Variants in NDUFA12 observed in about 807,000 individuals in gnomAD.
The protein encoded by NDUFA12 is NADH:ubiquinone oxidoreductase subunit A12.
Under a neutral mutation model 20.3 loss-of-function variants are expected in NDUFA12, and 17 were observed. The observed-to-expected ratio is 0.84, with a 90% CI of 0.57 to 1.26. The LOEUF is 1.26. Among genes scored for constraint, NDUFA12 ranks in the 50% most tolerant of loss-of-function variants. The pLI is 0.00. For missense variants in NDUFA12, 191 were observed against 183.7 expected, an observed-to-expected ratio of 1.04 and a Z score of -0.23; for synonymous variants, 72 against 63.6, an observed-to-expected ratio of 1.13 and a Z score of -0.63.
At chr12:94,985,012 G>A (rs28768409) in intron 3 of NDUFA12, among the ~76,000 whole-genome samples, 66,734 of 146,508 alleles carry the variant, frequency 0.46, 16,050 homozygotes, top group African/African-American at 0.59. Context: ...CATAAAATAA[G>A]ATAAAATAAA....
At chr12:94,987,946 A>T (rs1208224682) in intron 3 of NDUFA12, among the ~76,000 whole-genome samples, 2 of 152,156 alleles carry the variant, frequency 1.3e-5, no homozygotes, top group African/African-American at 4.8e-5. Context: ...AAGGACAGGA[A>T]ATTGAGGTCA....
intron 3 of NDUFA12, among the ~76,000 whole-genome samples, chr12:94,992,414 T>C (rs1473951982): frequency 6.6e-6 from 1 of 152,230 alleles, no homozygotes; most frequent in Admixed American, 6.5e-5. Context: ...AAAGTTCTTT[T>C]CACCTTTCGC....
chr12:94,997,709 T>G (rs1874883709), intron 2 of NDUFA12, among the ~76,000 whole-genome samples: 1 of 152,124 alleles, frequency 6.6e-6, no homozygotes, highest in Admixed American at 6.6e-5. Context: ...AGATTAGAGA[T>G]GCTAAACTGG....
At chr12:94,975,998 C>T (rs745490154) in intron 3 of NDUFA12, among the ~76,000 whole-genome samples, 23 of 151,842 alleles carry the variant, frequency 1.5e-4, no homozygotes, top group South Asian at 2.1e-4. Flanking sequence ...AAGCCATGAT[C>T]GTGCCTGGAC....
chr12:94,993,980 C>T lies in NDUFA12; in HGVS notation c.257+190G>A, dbSNP rs10859819. On this transcript the variant is annotated intron_variant, in intron 3 of 3. Transcript: ENST00000327772. ...ATTTAAAAACAAAACAAAAATTATC[C>T]GGGTGAGATGGCATGGGCCTGTAGT... Among the ~76,000 whole-genome samples, 59,422 of 151,726 alleles carry T rather than the reference C, an allele frequency of 0.39. 12,218 individuals carry two copies. The highest frequency in any genetic ancestry group is 0.58 in the East Asian group (2,966 of 5,132).
chr12:95,003,682 T>C lies in NDUFA12; in HGVS notation c.-2A>G, dbSNP rs775936595. 13 of 1,614,040 alleles carry C rather than the reference T, an allele frequency of 8.1e-6. No individual in the cohort carries two copies. The South Asian group carries it at 1.4e-4, about 18-fold the overall frequency. On this transcript the variant is annotated 5_prime_UTR_variant, in exon 1 of 4. Transcript: ENST00000327772. ...TTTCAGGACCTGCACTAACTCCATCTTGCCTCGCTGGCCCCGCCTCCCGGG... is the reference window on the plus strand; with the variant it reads ...TTTCAGGACCTGCACTAACTCCATCCTGCCTCGCTGGCCCCGCCTCCCGGG...
At chr12:94,984,491 T>C (rs1041277128) in intron 3 of NDUFA12, among the ~76,000 whole-genome samples, 6 of 151,188 alleles carry the variant, frequency 4.0e-5, no homozygotes, top group Admixed American at 6.6e-5. Context: ...GATTGCGCCA[T>C]TGCACTCCAG....
Position 95,002,750 on chromosome 12 carries a change from T to C in NDUFA12, c.158A>G (p.Lys53Arg). The C allele has an allele frequency of 6.2e-7, 1 of 1,613,762 alleles. No individual in the cohort carries two copies. Among genetic ancestry groups the C allele is most frequent in the South Asian group, 1.1e-5 (1 of 91,070 alleles). The stretch of plus-strand genomic sequence containing the variant: ...AATACTGCACTCACCAAAAAATTGC[T>C]TGTTGTCTTCATAGTATTTGTTTCC... The part of the protein sequence containing the change: ...KYGNKYYEDN[K>R]QFFGRHRWVV... Residue 53 changes from lysine to arginine, a missense_variant, in exon 2 of 4, where the codon AAG (lysine) becomes AGG (arginine). By Grantham distance (26) the Lys-to-Arg change is conservative. Transcript: ENST00000327772.
intron 2 of NDUFA12, 153 bp from the exon 3 acceptor site, chr12:94,994,410 T>C (rs924519336): frequency 8.1e-6 from 5 of 617,944 alleles, no homozygotes; most frequent in African/African-American, 1.9e-5. Context: ...GGTGAATTCG[T>C]GAAGGTAAGC....
At chr12:94,989,280 C>G (rs1036159221) in intron 3 of NDUFA12, among the ~76,000 whole-genome samples, 4 of 152,250 alleles carry the variant, frequency 2.6e-5, no homozygotes, top group East Asian at 1.9e-4. Flanking sequence ...CCTATGAAAA[C>G]AAGGACCTTG....
intron 3 of NDUFA12, 31 bp from the exon 4 acceptor site, chr12:94,971,651 T>A (rs770590536): frequency 6.2e-7 from 1 of 1,612,966 alleles, no homozygotes; most frequent in African/African-American, 1.3e-5. Flanking sequence ...CAAACAGTTA[T>A]GAAGAGGCAG....
intron 3 of NDUFA12, among the ~76,000 whole-genome samples, chr12:94,973,438 T>C (rs1190903159): frequency 1.3e-5 from 2 of 152,316 alleles, no homozygotes; most frequent in East Asian, 3.9e-4. Flanking sequence ...CAGGCTCCAC[T>C]AACCACTCAG....
chr12:94,991,788 T>A (rs143876554), intron 3 of NDUFA12, among the ~76,000 whole-genome samples: 96 of 151,404 alleles, frequency 6.3e-4, no homozygotes, highest in African/African-American at 2.2e-3. Context: ...GATGTCCACC[T>A]TTGAAAAATC....
chr12:94,998,156 C>G (rs1338262528), intron 2 of NDUFA12, among the ~76,000 whole-genome samples: 2 of 152,122 alleles, frequency 1.3e-5, no homozygotes, highest in Non-Finnish European at 2.9e-5. Context: ...GGGTTGAATA[C>G]TAGGGATGCA....
At chr12:94,979,640 G>A (rs1458475726) in intron 3 of NDUFA12, among the ~76,000 whole-genome samples, 1 of 150,788 alleles carries the variant, frequency 6.6e-6, no homozygotes, top group East Asian at 1.9e-4. Flanking sequence ...AGACCAGCCT[G>A]GCTAACATGG....
chr12:94,996,386 C>T (rs1017663972), intron 2 of NDUFA12, among the ~76,000 whole-genome samples: 1 of 150,084 alleles, frequency 6.7e-6, no homozygotes, highest in Non-Finnish European at 1.5e-5. Flanking sequence ...GTTGCCCAGG[C>T]TGGTCTTGAA....
chr12:94,990,283 A>C (rs199822644), intron 3 of NDUFA12, among the ~76,000 whole-genome samples: 8 of 149,408 alleles, frequency 5.4e-5, no homozygotes, highest in East Asian at 2.0e-4. Context: ...AAAAAAAAAA[A>C]CAAAAAAACC....
chr12:94,974,988 T>C lies in NDUFA12; in HGVS notation c.258-3368A>G, dbSNP rs116901027. ...ACTATAGTCTATAATAACTTAATTG[T>C]ACATTTTAAAACAACTAAAAGAGTA... On this transcript the variant is annotated intron_variant, in intron 3 of 3. Coordinates refer to ENST00000327772, the MANE Select transcript of NDUFA12 (RefSeq NM_018838.5). 4.9e-4 allele frequency among the ~76,000 whole-genome samples: 75 copies of C among 152,310 alleles called. No individual in the cohort carries two copies. The East Asian group carries it at 0.013, about 27-fold the overall frequency.
At chr12:94,985,626 C>CAAAAAAAAAAAAAA (rs35674364) in intron 3 of NDUFA12, among the ~76,000 whole-genome samples, 1 of 43,570 alleles carries the variant, frequency 2.3e-5, no homozygotes, top group Non-Finnish European at 4.3e-5. Flanking sequence ...GACTCCATCT[C>CAAAAAAAAAAAAAA]AAAAAAAAAA....
Sources: allele counts gnomAD v4.1 joint callset (sites outside exome capture counted in the v4.1 genomes callset), GRCh38; gene constraint gnomAD v4.1.1; transcripts MANE v1.5; gene names NCBI Gene and HGNC (gene_info 2026-07-23, HGNC 2026-07-21).